The following CEP85L variants were observed in gnomAD, a reference collection of about 807,000 sequenced individuals.
CEP85L encodes centrosomal protein 85L, also known as centrosomal protein of 85 kDa-like.
Under a neutral mutation model 100.3 loss-of-function variants are expected in CEP85L, and 60 were observed. The ratio of observed to expected loss-of-function variants is 0.60; its 90% confidence interval spans 0.49 to 0.74. CEP85L has a LOEUF of 0.74. Among genes scored for constraint, CEP85L ranks in the 30% least tolerant of loss-of-function variants. CEP85L has a pLI of 0.00. For missense variants in CEP85L, 973 were observed against 936.2 expected, an observed-to-expected ratio of 1.04 and a Z score of -0.51; for synonymous variants, 319 against 322.7, an observed-to-expected ratio of 0.99 and a Z score of 0.12.
At chr6:118,476,874 T>G (rs1163734035) in intron 10 of CEP85L, among the ~76,000 whole-genome samples, 1 of 152,190 alleles carries the variant, frequency 6.6e-6, no homozygotes, top group Non-Finnish European at 1.5e-5. Context: ...CATTTTAATG[T>G]CAGAGAAAAC....
In CEP85L at chr6:118,693,981, G is replaced by A. The variant is rs1261250875; in HGVS notation, c.-28+16055C>T. Among the ~76,000 whole-genome samples the A allele has an allele frequency of 3.3e-5, 5 of 152,118 alleles. 1 individual carries two copies. Among genetic ancestry groups the A allele is most frequent in the African/African-American group, 1.2e-4 (5 of 41,410 alleles). On this transcript the variant is annotated intron_variant, in intron 1 of 13. Coordinates refer to the CEP85L transcript ENST00000368488. ...TTTGGGCTTCTGGGGTGAATGGTGA[G>A]GTGTGACTTCCAGCAAGACTCAAAA...
At position 118,465,294 on chromosome 6, in the gene CEP85L, AG is replaced by A. The variant is rs1772432276; in HGVS notation, c.*110del. Reference sequence around the variant, plus strand: ...CTCCCCTTCAACAAAACAAATCCACAGAAAAAAAATCCCTAAGTGCAAGTCA... The same window carrying A: ...CTCCCCTTCAACAAAACAAATCCACAAAAAAAAATCCCTAAGTGCAAGTCA... On this transcript the variant is annotated 3_prime_UTR_variant, in exon 13 of 13. Coordinates refer to ENST00000368491, the MANE Select transcript of CEP85L (RefSeq NM_001042475.3). 1.0e-6 allele frequency: 1 copy of A among 975,874 alleles called. No homozygotes were observed. The highest frequency in any genetic ancestry group is 1.7e-5 in the African/African-American group (1 of 59,876). 60.5% of individuals were successfully genotyped at this position (975,874 alleles called of 1,614,324 possible). A position where few individuals can be genotyped will look rare whatever the true frequency, so the allele number is the denominator to read the frequency against.
In CEP85L at chr6:118,632,518, C is replaced by T; in HGVS notation, c.167G>A (p.Arg56Lys). ...TCCACTGTCAGAAGCTATACTGTGT[C>T]TCCTGATATGGTTATTTCGATGGTT... ...PSNHRNNHIR[R>K]HSIASDSGDT... Residue 56 changes from arginine to lysine, a missense_variant, in exon 2 of 13, where the codon AGA becomes AAA. Coordinates refer to ENST00000368491, the MANE Select transcript of CEP85L (RefSeq NM_001042475.3). The T allele has an allele frequency of 6.2e-7, 1 of 1,613,348 alleles. No homozygotes were observed.
At chr6:118,539,549 G>T (rs114879073) in intron 3 of CEP85L, among the ~76,000 whole-genome samples, 2 of 152,266 alleles carry the variant, frequency 1.3e-5, no homozygotes, top group African/African-American at 2.4e-5. Context: ...ATGTAGCAAT[G>T]AATTTTTCTA....
At chr6:118,705,149 C>G (rs1337212935) in intron 1 of CEP85L, among the ~76,000 whole-genome samples, 1 of 152,140 alleles carries the variant, frequency 6.6e-6, no homozygotes. Context: ...ACACCCTTTT[C>G]CATTTTCAAC....
chr6:118,590,952 A>G (rs947690657), intron 2 of CEP85L, among the ~76,000 whole-genome samples: 3 of 152,156 alleles, frequency 2.0e-5, no homozygotes, highest in African/African-American at 7.2e-5. Context: ...CATATCACCT[A>G]CATTCACGAT....
chr6:118,584,257 A>G (rs1780735187), intron 2 of CEP85L, among the ~76,000 whole-genome samples: 1 of 152,176 alleles, frequency 6.6e-6, no homozygotes, highest in African/African-American at 2.4e-5. Context: ...AGCTCTGCAA[A>G]ACCTCAGTGA....
intron 1 of CEP85L, among the ~76,000 whole-genome samples, chr6:118,668,793 A>G (rs1459738963): frequency 6.6e-6 from 1 of 152,222 alleles, no homozygotes; most frequent in African/African-American, 2.4e-5. Context: ...CTGTGTTTCT[A>G]TTTTAAAGCT....
At chr6:118,490,338 T>A (rs1048307280) in intron 6 of CEP85L, among the ~76,000 whole-genome samples, 3 of 152,228 alleles carry the variant, frequency 2.0e-5, no homozygotes, top group Admixed American at 2.0e-4. Context: ...GTATTAAATG[T>A]TCTTTCTACA....
chr6:118,681,865 C>T (rs2638543), intron 1 of CEP85L, among the ~76,000 whole-genome samples: 1 of 151,636 alleles, frequency 6.6e-6, no homozygotes, highest in Non-Finnish European at 1.5e-5. Context: ...CTCAGCCTCC[C>T]GAGTAGCTGG....
At position 118,566,199 on chromosome 6, in the gene CEP85L, G is replaced by C; in HGVS notation, c.350C>G (p.Ser117Ter). ...CCATTTTGAGCCATCTGGTGTCAAT[G>C]ATTCCCTAAGTTTGGAAATTGAAGC... ...SSASISKLRE[S>*]LTPDGSKWST... The change falls in exon 3 of 13, where the codon TCA (serine) becomes TGA (stop). Residue 117 changes from serine (S) to a stop codon, truncating the protein, a stop_gained. Coordinates refer to ENST00000368491, the MANE Select transcript of CEP85L (RefSeq NM_001042475.3). LOFTEE classifies it high-confidence loss of function. The C allele has an allele frequency of 6.2e-7, 1 of 1,614,166 alleles. No homozygotes were observed. Among genetic ancestry groups the C allele is most frequent in the South Asian group, 1.1e-5 (1 of 91,088 alleles).
intron 1 of CEP85L, among the ~76,000 whole-genome samples, chr6:118,684,824 TA>T (rs1329435683): frequency 5.9e-5 from 9 of 152,240 alleles, no homozygotes; most frequent in Admixed American, 2.6e-4. Flanking sequence ...TTTTTATTAT[TA>T]TTTTTTTTTA....
chr6:118,582,368 A>T lies in CEP85L; in HGVS notation c.233-16052T>A, dbSNP rs138106938. 2.9e-3 allele frequency among the ~76,000 whole-genome samples: 446 copies of T among 152,298 alleles called. 1 individual carries two copies. The highest frequency in any genetic ancestry group is 0.01 in the Middle Eastern group (3 of 294). The stretch of plus-strand genomic sequence containing the variant: ...AACTCAGGTGTTTGATCTCACATAG[A>T]GGGATGTTATGTTGCTGCTAAGTCA... On this transcript the variant is annotated intron_variant, in intron 2 of 12. Coordinates refer to ENST00000368491, the MANE Select transcript of CEP85L (RefSeq NM_001042475.3).
intron 2 of CEP85L, among the ~76,000 whole-genome samples, chr6:118,582,942 A>G (rs1177345850): frequency 6.6e-6 from 1 of 152,220 alleles, no homozygotes; most frequent in Non-Finnish European, 1.5e-5. Flanking sequence ...GAAAGGAAAT[A>G]TAAGTGAAGA....
intron 6 of CEP85L, among the ~76,000 whole-genome samples, chr6:118,489,803 T>C (rs534221009): frequency 3.3e-5 from 5 of 152,244 alleles, no homozygotes; most frequent in Admixed American, 2.6e-4. Flanking sequence ...TCCAAAAGAA[T>C]TGAAATCAGG....
rs999140028 is a variant in CEP85L at position 118,463,807 on chromosome 6, T to C, written c.*1598A>G. ...TCAACTATAACTATAAAATAATCTA[T>C]TGAGAGCTGTATAGCCAACATTTTA... On this transcript the variant is annotated 3_prime_UTR_variant, in exon 13 of 13. Coordinates refer to ENST00000368491, the MANE Select transcript of CEP85L (RefSeq NM_001042475.3). The C allele has an allele frequency of 6.6e-6, 1 of 152,102 alleles. No homozygotes were observed. Among genetic ancestry groups the C allele is most frequent in the Admixed American group, 6.6e-5 (1 of 15,260 alleles). The allele number at this position is 152,102 out of a possible 1,614,324, so 9.4% of individuals were successfully genotyped here. A position where few individuals can be genotyped will look rare whatever the true frequency, so the allele number is the denominator to read the frequency against.
rs186250808 is a variant in CEP85L, at chr6:118,515,065, C to T, written c.1140-3650G>A. On this transcript the variant is annotated intron_variant, in intron 4 of 12. Coordinates refer to ENST00000368491, the MANE Select transcript of CEP85L (RefSeq NM_001042475.3). ...GCTTCAAGTGATCTTCCCGCCTCAACTTCTTGGTGTTGGAATTACAGATGT... is the reference window on the plus strand; with the variant it reads ...GCTTCAAGTGATCTTCCCGCCTCAATTTCTTGGTGTTGGAATTACAGATGT... Among the ~76,000 whole-genome samples the T allele has an allele frequency of 1.5e-3, 224 of 152,088 alleles. 3 individuals are homozygous for T. Among genetic ancestry groups the T allele is most frequent in the Admixed American group, 0.013 (197 of 15,254 alleles).
intron 5 of CEP85L, among the ~76,000 whole-genome samples, chr6:118,511,078 G>A (rs1775937291): frequency 6.6e-6 from 1 of 152,148 alleles, no homozygotes; most frequent in South Asian, 2.1e-4. Context: ...GGATACACCA[G>A]AAACTGACAA....
At chr6:118,632,657 C>A in intron 1 of CEP85L, 46 bp from the exon 2 acceptor site, 1 of 1,507,482 alleles carries the variant, frequency 6.6e-7, no homozygotes, top group Non-Finnish European at 8.9e-7. Flanking sequence ...TCTGAGTAGG[C>A]AGAAGATTTT....
Sources: gnomAD v4.1 joint callset for allele counts (sites outside exome capture counted in the v4.1 genomes callset) on GRCh38, gnomAD v4.1.1 for gene constraint, MANE v1.5 for transcripts, NCBI Gene and HGNC (gene_info 2026-07-23, HGNC 2026-07-21) for gene names.